Variants in CLIP1 observed in about 807,000 individuals in gnomAD.
The protein encoded by CLIP1 is CAP-Gly domain-containing linker protein 1.
CLIP1 carries 66 observed loss-of-function variants against 161.6 expected under a neutral mutation model. The ratio of observed to expected loss-of-function variants is 0.41; its 90% CI spans 0.33 to 0.50. The LOEUF (loss-of-function observed/expected upper bound fraction) is 0.50, where lower values mean the gene tolerates loss of function less well. Among genes scored for constraint, CLIP1 ranks in the 20% least tolerant of loss-of-function variants. The pLI, the probability that CLIP1 is intolerant of heterozygous loss-of-function variation, is 0.27. For missense variants in CLIP1, 1,376 were observed against 1,702.0 expected, an observed-to-expected ratio of 0.81 and a Z score of 3.37; for synonymous variants, 598 against 626.2, an observed-to-expected ratio of 0.96 and a Z score of 0.67.
intron 9 of CLIP1, among the ~76,000 whole-genome samples, chr12:122,350,065 C>T (rs949822688): frequency 2.6e-5 from 4 of 151,514 alleles, no homozygotes; most frequent in African/African-American, 7.3e-5. Flanking sequence ...CCACCATATT[C>T]GGCTAATTTT....
At chr12:122,330,603 T>TTTTTTTTG (rs1788910693) in intron 15 of CLIP1, among the ~76,000 whole-genome samples, 1 of 138,654 alleles carries the variant, frequency 7.2e-6, no homozygotes, top group African/African-American at 2.8e-5. Context: ...TGCAGTTTTT[T>TTTTTTTTG]TTTTTTTTTT....
chr12:122,354,887 G>C, intron 6 of CLIP1: 1 of 591,558 alleles, frequency 1.7e-6, no homozygotes, highest in Non-Finnish European at 3.0e-6. Flanking sequence ...AAAAGACCCG[G>C]ACACAAAGAC....
At chr12:122,354,677 TA>T (rs2136476851) in intron 6 of CLIP1, 121 bp from the exon 7 acceptor site, 1 of 686,162 alleles carries the variant, frequency 1.5e-6, no homozygotes, top group East Asian at 2.7e-5. Context: ...AACCTTATGT[TA>T]AAAAGCTTTC....
At chr12:122,361,420 G>A (rs1034985106) in intron 4 of CLIP1, among the ~76,000 whole-genome samples, 1 of 152,190 alleles carries the variant, frequency 6.6e-6, no homozygotes, top group African/African-American at 2.4e-5. Context: ...CTCACCTGTT[G>A]CTGAGATTCT....
chr12:122,367,689 A>G (rs1317673833), intron 3 of CLIP1, among the ~76,000 whole-genome samples: 1 of 152,192 alleles, frequency 6.6e-6, no homozygotes. Context: ...TAAGACAAAT[A>G]TCTAAGTTAT....
intron 20 of CLIP1, among the ~76,000 whole-genome samples, chr12:122,304,665 G>C (rs959605021): frequency 6.6e-6 from 1 of 152,162 alleles, no homozygotes; most frequent in African/African-American, 2.4e-5. Flanking sequence ...CCAGCCTTGG[G>C]TGCCAATTTA....
intron 1 of CLIP1, among the ~76,000 whole-genome samples, chr12:122,384,446 C>T (rs1229348239): frequency 1.3e-5 from 2 of 152,104 alleles, no homozygotes; most frequent in African/African-American, 2.4e-5. Context: ...GGTTAAGTGA[C>T]CTTTCCAAGG....
chr12:122,398,897 T>C (rs1956039517), intron 1 of CLIP1, among the ~76,000 whole-genome samples: 1 of 138,954 alleles, frequency 7.2e-6, no homozygotes, highest in Non-Finnish European at 1.5e-5. Flanking sequence ...ATAGAAAATA[T>C]ATATTTTAAT....
intron 8 of CLIP1, among the ~76,000 whole-genome samples, chr12:122,351,374 C>T (rs1309533298): frequency 1.1e-4 from 17 of 152,218 alleles, no homozygotes; most frequent in African/African-American, 3.4e-4. Flanking sequence ...TCTAATGAGA[C>T]TTTGGGGTGT....
chr12:122,297,644 C>T (rs1280131757), intron 20 of CLIP1, among the ~76,000 whole-genome samples: 2 of 152,174 alleles, frequency 1.3e-5, no homozygotes, highest in South Asian at 4.1e-4. Flanking sequence ...AAAACCCATT[C>T]CCTGTGTCTG....
intron 20 of CLIP1, among the ~76,000 whole-genome samples, chr12:122,304,533 G>A (rs1037642508): frequency 2.6e-5 from 4 of 152,108 alleles, no homozygotes; most frequent in African/African-American, 9.7e-5. Flanking sequence ...GCTAATTTTT[G>A]TATTTGTTAT....
chr12:122,303,803 T>C (rs1950773680), intron 20 of CLIP1, among the ~76,000 whole-genome samples: 1 of 152,162 alleles, frequency 6.6e-6, no homozygotes, highest in African/African-American at 2.4e-5. Context: ...TTCCCCAAAT[T>C]AGAAGACAGA....
chr12:122,310,276 T>C (rs572551074), intron 19 of CLIP1, among the ~76,000 whole-genome samples: 1 of 152,378 alleles, frequency 6.6e-6, no homozygotes, highest in South Asian at 2.1e-4. Flanking sequence ...TTTAATTTGC[T>C]GCCAAGGCAC....
intron 1 of CLIP1, among the ~76,000 whole-genome samples, chr12:122,384,007 C>G (rs1423097783): frequency 1.3e-5 from 2 of 152,138 alleles, no homozygotes; most frequent in African/African-American, 4.8e-5. Flanking sequence ...CATTATAATT[C>G]AGAAATAATT....
chr12:122,339,754 T>C (rs999920774), intron 11 of CLIP1, among the ~76,000 whole-genome samples: 2 of 152,226 alleles, frequency 1.3e-5, no homozygotes, highest in Non-Finnish European at 2.9e-5. Context: ...TCATTAGGCA[T>C]TTCATTGTTG....
At chr12:122,292,774 C>T (rs979083154) in intron 20 of CLIP1, among the ~76,000 whole-genome samples, 7 of 152,028 alleles carry the variant, frequency 4.6e-5, no homozygotes, top group Non-Finnish European at 7.4e-5. Context: ...GAGGCCGAGG[C>T]GGGCGGATCA....
chr12:122,341,501 C>G lies in CLIP1; in HGVS notation c.1703G>C (p.Arg568Thr). 2 of 1,613,978 alleles carry G rather than the reference C, an allele frequency of 1.2e-6. No homozygotes were observed. Among genetic ancestry groups the G allele is most frequent in the African/African-American group, 1.3e-5 (1 of 75,006 alleles). ...KLEVTRTDHQ[R>T]EITSLKEHFG... The stretch of plus-strand genomic sequence containing the variant: ...ATGCTCCTTCAGAGAAGTTATTTCT[C>G]TCTGGTGGTCAGTACGGGTGACTTC... Residue 568 changes from arginine to threonine, a missense_variant, in exon 11 of 26, where the codon AGA becomes ACA. Around this residue, in one of 6 missense-constraint regions of CLIP1, gnomAD observed 948 missense variants for 1,134.8 expected, o/e 0.84. Transcript: ENST00000620786.
At chr12:122,304,964 A>G (rs1032343046) in intron 20 of CLIP1, among the ~76,000 whole-genome samples, 1 of 152,192 alleles carries the variant, frequency 6.6e-6, no homozygotes, top group Non-Finnish European at 1.5e-5. Flanking sequence ...ACTATTCATG[A>G]TCAATTTAGA....
rs565147007 is a variant in CLIP1, at chr12:122,302,162, G to A, written c.3594+7600C>T. ...GTTGCCCAGGCTGAAGTGTAATGGC[G>A]CTATCTCAGCTCACCGCAACCTCTG... is the stretch of plus-strand genomic sequence containing the variant. On this transcript the variant is annotated intron_variant, in intron 20 of 25. Coordinates refer to ENST00000620786, the MANE Select transcript of CLIP1 (RefSeq NM_001247997.2). Among the ~76,000 whole-genome samples, 41 of 152,232 alleles carry A rather than the reference G, an allele frequency of 2.7e-4. 1 individual carries two copies. In the East Asian group the frequency reaches 2.7e-3, roughly 10 times the overall value.
Sources: gnomAD v4.1 joint callset for allele counts (sites outside exome capture counted in the v4.1 genomes callset) on GRCh38, gnomAD v4.1.1 for gene constraint, gnomAD v4.1.1 regional missense constraint, MANE v1.5 for transcripts, NCBI Gene and HGNC (gene_info 2026-07-23, HGNC 2026-07-21) for gene names.